LATS2: variants seen among roughly 807,000 people sequenced by gnomAD.
LATS2 encodes the protein serine/threonine-protein kinase LATS2.
LATS2 carries 24 observed loss-of-function variants against 76.0 expected under a neutral mutation model. That is an observed-to-expected ratio of 0.32 (90% CI 0.23 to 0.44). LATS2 has a LOEUF of 0.44. Among genes scored for constraint, LATS2 ranks in the 20% least tolerant of loss-of-function variants. LATS2 has a pLI of 1.00. For missense variants in LATS2, 1,286 were observed against 1,481.2 expected, an observed-to-expected ratio of 0.87 and a Z score of 2.16; for synonymous variants, 692 against 635.4, an observed-to-expected ratio of 1.09 and a Z score of -1.34.
intron 2 of LATS2, among the ~76,000 whole-genome samples, chr13:21,014,297 T>C (rs1173787423): frequency 1.3e-5 from 2 of 151,978 alleles, no homozygotes; most frequent in African/African-American, 2.4e-5. Context: ...GGAGGACAAT[T>C]AGCATTGCAG....
rs555677766 is a variant in LATS2 at position 21,020,766 on chromosome 13, T to G, written c.342+24919A>C. Among the ~76,000 whole-genome samples, 4 of 152,252 alleles carry G rather than the reference T, an allele frequency of 2.6e-5. No individual in the cohort carries two copies. The South Asian group carries it at 6.2e-4, about 24-fold the overall frequency. On this transcript the variant is annotated intron_variant, in intron 2 of 7. Coordinates refer to ENST00000382592, the MANE Select transcript of LATS2 (RefSeq NM_014572.3). ...TGGGGACATAAGCTGACAACTACCC[T>G]ACATGGAACAGGCAACCCCGTCATG... is the stretch of plus-strand genomic sequence containing the variant.
At chr13:21,021,888 G>T (rs2138362492) in intron 2 of LATS2, among the ~76,000 whole-genome samples, 1 of 152,274 alleles carries the variant, frequency 6.6e-6, no homozygotes, top group Non-Finnish European at 1.5e-5. Context: ...GCAGCACAGG[G>T]TGAAAGCTCC....
intron 2 of LATS2, among the ~76,000 whole-genome samples, chr13:21,033,213 A>T (rs1443022439): frequency 6.6e-6 from 1 of 152,038 alleles, no homozygotes; most frequent in East Asian, 1.9e-4. Context: ...GTAAGCTAGG[A>T]ACCTTTGTTA....
chr13:21,043,606 G>T (rs1020846090), intron 2 of LATS2, among the ~76,000 whole-genome samples: 60 of 152,148 alleles, frequency 3.9e-4, no homozygotes, highest in African/African-American at 1.4e-3. Flanking sequence ...ATTAAATATG[G>T]TAAATGGAGG....
intron 1 of LATS2, among the ~76,000 whole-genome samples, chr13:21,053,439 G>C (rs116988119): frequency 2.0e-5 from 3 of 151,888 alleles, no homozygotes; most frequent in African/African-American, 7.3e-5. Context: ...ATAGCACCAC[G>C]AGGGCAGGAG....
In LATS2 at chr13:20,988,663, C is replaced by T. The variant is rs1348445444; in HGVS notation, c.1117G>A (p.Ala373Thr). 6 of 1,576,252 alleles carry T rather than the reference C, an allele frequency of 3.8e-6. No homozygotes were observed. Among genetic ancestry groups the T allele is most frequent in the Non-Finnish European group, 3.4e-6 (4 of 1,170,926 alleles). Reference protein sequence around the residue: ...GSTSVQQWPAATLARRDSLQK... With the variant: ...GSTSVQQWPATTLARRDSLQK... ...AGGGAGTCCCGGCGGGCCAGGGTGG[C>T]AGCCGGCCACTGCTGGACGGAGGTG... The change falls in exon 4 of 8, where the codon GCC becomes ACC. Residue 373 changes from alanine to threonine, a missense_variant. Coordinates refer to ENST00000382592, the MANE Select transcript of LATS2 (RefSeq NM_014572.3).
At chr13:21,007,534 ATATATATATAG>A (rs1305212519) in intron 2 of LATS2, among the ~76,000 whole-genome samples, 3 of 33,994 alleles carry the variant, frequency 8.8e-5, no homozygotes, top group African/African-American at 4.9e-4. Flanking sequence ...GGGGATGGAT[ATATATATATAG>A]TATATATATA....
intron 4 of LATS2, among the ~76,000 whole-genome samples, chr13:20,985,393 T>C (rs1870096073): frequency 6.6e-6 from 1 of 152,188 alleles, no homozygotes; most frequent in African/African-American, 2.4e-5. Context: ...ATTCAGAATA[T>C]ACAAGGAACT....
At chr13:21,049,292 G>A (rs1385000846) in intron 1 of LATS2, among the ~76,000 whole-genome samples, 2 of 152,222 alleles carry the variant, frequency 1.3e-5, no homozygotes, top group African/African-American at 4.8e-5. Flanking sequence ...GTTCAGCTAA[G>A]GAGTGACACG....
Position 20,989,688 on chromosome 13 carries a change from T to TG in LATS2, c.476-385dup, listed in dbSNP as rs200079087. Among the ~76,000 whole-genome samples, 864 of 152,260 alleles carry TG rather than the reference T, an allele frequency of 5.7e-3. 13 individuals are homozygous for TG. Among genetic ancestry groups the TG allele is most frequent in the African/African-American group, 0.02 (816 of 41,542 alleles). ...TCAAAACCCTATCATGCCCAAATTGTGGGGGGCTGAGTTTACCGACACACG... is the reference window on the plus strand; with the variant it reads ...TCAAAACCCTATCATGCCCAAATTGTGGGGGGGCTGAGTTTACCGACACACG... On this transcript the variant is annotated intron_variant, in intron 3 of 7. Coordinates refer to ENST00000382592, the MANE Select transcript of LATS2 (RefSeq NM_014572.3).
At position 20,991,651 on chromosome 13, in the gene LATS2, G is replaced by A. The variant is rs1014144282; in HGVS notation, c.343-247C>T. On this transcript the variant is annotated intron_variant, in intron 2 of 7. Coordinates refer to ENST00000382592, the MANE Select transcript of LATS2 (RefSeq NM_014572.3). The surrounding 1 kb of genome is among the most constrained non-coding windows in gnomAD (Gnocchi z 4.9). ...TTAGCCTTATGTCAAGGACATATGG[G>A]AATTTTGATGATGGGCCTGAAAGAG... Among the ~76,000 whole-genome samples, 1 of 152,176 alleles carries A rather than the reference G, an allele frequency of 6.6e-6. No homozygotes were observed. Among genetic ancestry groups the A allele is most frequent in the Non-Finnish European group, 1.5e-5 (1 of 68,032 alleles).
At chr13:20,996,377 AT>A (rs34278498) in intron 2 of LATS2, among the ~76,000 whole-genome samples, 14,488 of 136,670 alleles carry the variant, frequency 0.11, 1,038 homozygotes, top group East Asian at 0.37. Context: ...GTGGTAGAAG[AT>A]TTTTTTTTTT....
At chr13:21,008,917 G>C (rs896310822) in intron 2 of LATS2, among the ~76,000 whole-genome samples, 16 of 152,110 alleles carry the variant, frequency 1.1e-4, no homozygotes, top group Non-Finnish European at 4.4e-5. Flanking sequence ...GGGGAAAACT[G>C]GAAACTATCT....
At position 21,002,374 on chromosome 13, in the gene LATS2, C is replaced by CT. The variant is rs549992152; in HGVS notation, c.343-10971dup. On this transcript the variant is annotated intron_variant, in intron 2 of 7. Coordinates refer to ENST00000382592, the MANE Select transcript of LATS2 (RefSeq NM_014572.3). ...AAAAATTAACTAACTAATTAATTAA[C>CT]TTTTTTTTTTTTTTTTTGAGACAGG... is the stretch of plus-strand genomic sequence containing the variant. Among the ~76,000 whole-genome samples, 1,097 of 137,262 alleles carry CT rather than the reference C, an allele frequency of 8.0e-3. 10 individuals carry two copies. Among genetic ancestry groups the CT allele is most frequent in the African/African-American group, 0.023 (842 of 36,108 alleles). 90.0% of individuals were successfully genotyped at this position (137,262 alleles called of 152,430 possible). A position where few individuals can be genotyped will look rare whatever the true frequency, so the allele number is the denominator to read the frequency against.
Position 20,983,548 on chromosome 13 carries a change from G to A in LATS2, c.2158C>T (p.Leu720=), listed in dbSNP as rs773970528. The change falls in exon 5 of 8, where the codon CTG becomes TTG. Residue 720 remains leucine (L), a synonymous_variant. Transcript: ENST00000382592. ...VAHVKAERDI[L]AEADNEWVVK... is the part of the protein sequence containing the mutation. ...ACCCACTCATTGTCTGCCTCGGCCA[G>A]GATGTCCCTCTCGGCCTTGACGTGG... 4 of 1,614,140 alleles carry A rather than the reference G, an allele frequency of 2.5e-6. No individual in the cohort carries two copies. In the Admixed American group the frequency reaches 6.7e-5, roughly 27 times the overall value.
intron 2 of LATS2, among the ~76,000 whole-genome samples, chr13:21,021,839 C>T (rs938124981): frequency 6.6e-6 from 1 of 152,228 alleles, no homozygotes; most frequent in African/African-American, 2.4e-5. Context: ...AGCCCCAGGG[C>T]ACCTTTCACA....
At chr13:20,993,285 A>C (rs1327553503) in intron 2 of LATS2, among the ~76,000 whole-genome samples, 1 of 152,180 alleles carries the variant, frequency 6.6e-6, no homozygotes, top group Non-Finnish European at 1.5e-5. Context: ...GCAGGGCCTG[A>C]ATCCATGTTA....
rs143768575 is a variant in LATS2, at chr13:21,056,409, T to C, written c.-205+4937A>G. ...CCATCACATTCTCTATTAGACAGCT[T>C]TGTACATTATATTTTTATGATATAC... On this transcript the variant is annotated intron_variant, in intron 1 of 7. Transcript: ENST00000382592. Among the ~76,000 whole-genome samples, 390 of 152,236 alleles carry C rather than the reference T, an allele frequency of 2.6e-3. 4 individuals carry two copies. The highest frequency in any genetic ancestry group is 7.4e-3 in the African/African-American group (309 of 41,548).
intron 2 of LATS2, among the ~76,000 whole-genome samples, chr13:21,004,024 T>C (rs1042779685): frequency 4.6e-5 from 7 of 152,262 alleles, no homozygotes; most frequent in African/African-American, 1.7e-4. Context: ...CTATCATTAC[T>C]AGGTCAAATC....
Sources: allele counts gnomAD v4.1 joint callset (sites outside exome capture counted in the v4.1 genomes callset), GRCh38; gene constraint gnomAD v4.1.1; non-coding constraint Gnocchi (gnomAD v3.1); transcripts MANE v1.5; gene names NCBI Gene and HGNC (gene_info 2026-07-23, HGNC 2026-07-21).